Variants in GARIN1A observed in about 807,000 individuals in gnomAD.
GARIN1A encodes Golgi-associated RAB2 interactor protein 1A.
the GARIN1A span, among the ~76,000 whole-genome samples, chr7:128,700,342 A>G: frequency 6.7e-6 from 1 of 149,122 alleles, no homozygotes; most frequent in Non-Finnish European, 1.5e-5. Flanking sequence ...GTGCAGTGGC[A>G]CGATCTCAGC....
chr7:128,684,794 C>T, the GARIN1A span: 1 of 151,978 alleles, frequency 6.6e-6, no homozygotes, highest in Non-Finnish European at 1.5e-5. Flanking sequence ...TACCCAGAAC[C>T]TAATGAAAGT....
the GARIN1A span, among the ~76,000 whole-genome samples, chr7:128,705,003 A>G: frequency 6.6e-6 from 1 of 152,192 alleles, no homozygotes; most frequent in African/African-American, 2.4e-5. Flanking sequence ...AAATAGGTCA[A>G]TGGAATCCTA....
chr7:128,681,881 A>ACCCCC, the GARIN1A span, among the ~76,000 whole-genome samples: 3 of 127,138 alleles, frequency 2.4e-5, no homozygotes, highest in Non-Finnish European at 4.9e-5. Context: ...GCCACACTGC[A>ACCCCC]CCCCCCCCCA....
At chr7:128,690,365 A>C in the GARIN1A span, 1 of 154,644 alleles carries the variant, frequency 6.5e-6, no homozygotes, top group Non-Finnish European at 1.4e-5. Context: ...GACCCTGCCA[A>C]ATCCCCCTCT....
At chr7:128,699,270 C>G in the GARIN1A span, among the ~76,000 whole-genome samples, 25 of 143,692 alleles carry the variant, frequency 1.7e-4, 1 homozygote, top group East Asian at 2.6e-3. Context: ...GCCCCCCCCC[C>G]CCCACCACCA....
the GARIN1A span, chr7:128,677,910 T>A: frequency 9.4e-7 from 1 of 1,068,900 alleles, no homozygotes; most frequent in Non-Finnish European, 1.3e-6. Context: ...TCCATGTCTT[T>A]TAAAAGCTCT....
chr7:128,683,452 TTTTA>T, the GARIN1A span: 248 of 154,332 alleles, frequency 1.6e-3, 2 homozygotes, highest in African/African-American at 5.4e-3. Flanking sequence ...GACTGGGTAA[TTTTA>T]TTTATTTATT....
the GARIN1A span, chr7:128,682,876 T>C: frequency 1.9e-6 from 2 of 1,074,540 alleles, no homozygotes; most frequent in Non-Finnish European, 2.6e-6. Context: ...TGCACCCAGC[T>C]GAAAGTGGTT....
chr7:128,698,349 C>T, the GARIN1A span, among the ~76,000 whole-genome samples: 3 of 152,152 alleles, frequency 2.0e-5, no homozygotes, highest in Non-Finnish European at 4.4e-5. Context: ...GCTCTTCCCA[C>T]ACCTTCTCCT....
At chr7:128,697,187 T>TA in the GARIN1A span, among the ~76,000 whole-genome samples, 23 of 152,118 alleles carry the variant, frequency 1.5e-4, no homozygotes, top group African/African-American at 4.6e-4. Flanking sequence ...GAGGGAAGGG[T>TA]AAAGCCAGCA....
At chr7:128,689,205 C>T in the GARIN1A span, among the ~76,000 whole-genome samples, 1 of 152,218 alleles carries the variant, frequency 6.6e-6, no homozygotes, top group Admixed American at 6.5e-5. Context: ...GAGATTGCAG[C>T]TTCTGCCCAG....
chr7:128,675,691 A>G, the GARIN1A span: 3 of 1,613,754 alleles, frequency 1.9e-6, no homozygotes, highest in African/African-American at 2.7e-5. Context: ...AAGCCCGGGA[A>G]CTGGAGAGAT....
chr7:128,682,307 T>C, the GARIN1A span, among the ~76,000 whole-genome samples: 7 of 152,300 alleles, frequency 4.6e-5, no homozygotes, highest in East Asian at 1.3e-3. Flanking sequence ...TGATCTTAAA[T>C]TTTTAGTCCC....
At chr7:128,677,855 A>G in the GARIN1A span, 3 of 1,519,888 alleles carry the variant, frequency 2.0e-6, no homozygotes, top group Non-Finnish European at 2.7e-6. Flanking sequence ...AAATAAGTAT[A>G]TATAAGTATA....
At chr7:128,682,120 G>A in the GARIN1A span, among the ~76,000 whole-genome samples, 6 of 152,078 alleles carry the variant, frequency 3.9e-5, no homozygotes, top group Admixed American at 1.3e-4. Context: ...TCTTCTCCCA[G>A]AGTCCTAGAG....
chr7:128,673,381 C>T, the GARIN1A span, among the ~76,000 whole-genome samples: 1 of 152,198 alleles, frequency 6.6e-6, no homozygotes, highest in South Asian at 2.1e-4. Flanking sequence ...TCAAGGCATT[C>T]TCTCTGGACT....
the GARIN1A span, among the ~76,000 whole-genome samples, chr7:128,689,755 C>T: frequency 8.6e-6 from 1 of 116,342 alleles, no homozygotes; most frequent in Non-Finnish European, 1.9e-5. Flanking sequence ...GGTCAGCCCC[C>T]GCCGGCCAGC....
the GARIN1A span, among the ~76,000 whole-genome samples, chr7:128,702,878 A>G: frequency 6.6e-6 from 1 of 152,224 alleles, no homozygotes; most frequent in African/African-American, 2.4e-5. Context: ...CGCACACCAA[A>G]AGAAAGCTGG....
chr7:128,680,070 C>T, the GARIN1A span: 1 of 1,581,440 alleles, frequency 6.3e-7, no homozygotes, highest in Admixed American at 1.8e-5. Flanking sequence ...GCCCAGCGAG[C>T]CCCTCGTGCT....
Sources: gnomAD v4.1 joint callset for allele counts (sites outside exome capture counted in the v4.1 genomes callset) on GRCh38, gnomAD v4.1.1 for gene constraint, MANE v1.5 for transcripts, NCBI Gene and HGNC (gene_info 2026-07-23, HGNC 2026-07-21) for gene names.